LRRTM4: variants seen among roughly 807,000 people sequenced by gnomAD.
LRRTM4 encodes the protein leucine rich repeat transmembrane neuronal 4, also known as leucine-rich repeat transmembrane neuronal protein 4.
LRRTM4 carries 25 observed loss-of-function variants against 47.6 expected under a neutral mutation model. The ratio of observed to expected loss-of-function variants is 0.53; its 90% CI spans 0.38 to 0.73. LRRTM4 has a LOEUF of 0.73. Ranked by LOEUF, LRRTM4 falls within the 30% of genes least tolerant of loss-of-function variation. The pLI, the probability that LRRTM4 is intolerant of heterozygous loss-of-function variation, is 0.00. For missense variants in LRRTM4, 638 were observed against 713.4 expected (o/e 0.89, Z 1.20); for synonymous variants, 311 against 269.5 (o/e 1.15, Z -1.51).
intron 3 of LRRTM4, among the ~76,000 whole-genome samples, chr2:77,274,974 G>T (rs1676303509): frequency 6.6e-6 from 1 of 151,946 alleles, no homozygotes; most frequent in Non-Finnish European, 1.5e-5. Flanking sequence ...GGCCACTAAG[G>T]ACACACAGTC....
intron 3 of LRRTM4, among the ~76,000 whole-genome samples, chr2:77,114,329 G>C (rs957912060): frequency 6.6e-6 from 1 of 152,170 alleles, no homozygotes; most frequent in African/African-American, 2.4e-5. Flanking sequence ...CCACTGCCCT[G>C]AATACGGTAA....
intron 3 of LRRTM4, among the ~76,000 whole-genome samples, chr2:76,785,453 TTTTAGTTGAGATAGAAA>T (rs1358386830): frequency 1.3e-5 from 2 of 152,108 alleles, no homozygotes; most frequent in Non-Finnish European, 2.9e-5. Context: ...TGAGAGTGAA[TTTTAGTTGAGATAGAAA>T]AGCAGATCAT....
chr2:77,168,507 A>G (rs1237559938), intron 3 of LRRTM4, among the ~76,000 whole-genome samples: 1 of 152,074 alleles, frequency 6.6e-6, no homozygotes, highest in Non-Finnish European at 1.5e-5. Context: ...TTGAATCAGG[A>G]TGTTTAGGAT....
chr2:77,302,581 A>G (rs968169703), intron 3 of LRRTM4, among the ~76,000 whole-genome samples: 1 of 152,220 alleles, frequency 6.6e-6, no homozygotes, highest in Admixed American at 6.5e-5. Flanking sequence ...CTCTTTGTGT[A>G]TGAGGAGGTA....
At chr2:76,997,393 T>G (rs981361971) in intron 3 of LRRTM4, among the ~76,000 whole-genome samples, 2 of 151,176 alleles carry the variant, frequency 1.3e-5, no homozygotes, top group Non-Finnish European at 3.0e-5. Flanking sequence ...TTTGCCTTAG[T>G]TTGTTGAGAT....
At chr2:77,248,584 C>T (rs1675514922) in intron 3 of LRRTM4, among the ~76,000 whole-genome samples, 1 of 151,882 alleles carries the variant, frequency 6.6e-6, no homozygotes, top group African/African-American at 2.4e-5. Context: ...CACTGAATAG[C>T]CAACACAATA....
chr2:77,312,100 G>C (rs1677472900), intron 3 of LRRTM4, among the ~76,000 whole-genome samples: 1 of 151,920 alleles, frequency 6.6e-6, no homozygotes, highest in African/African-American at 2.4e-5. Context: ...TGAAACATGT[G>C]GTGTTTCTTT....
chr2:77,501,959 G>T (rs892221792), intron 3 of LRRTM4, among the ~76,000 whole-genome samples: 2 of 151,188 alleles, frequency 1.3e-5, no homozygotes, highest in Non-Finnish European at 3.0e-5. Context: ...TAAATGTTGA[G>T]GTGAGAAAAT....
At chr2:77,207,222 C>T (rs1674152124) in intron 3 of LRRTM4, among the ~76,000 whole-genome samples, 1 of 131,680 alleles carries the variant, frequency 7.6e-6, no homozygotes, top group South Asian at 2.3e-4. Context: ...AATATATACA[C>T]ATATGTGTAT....
chr2:77,449,076 A>G (rs1470994047), intron 3 of LRRTM4, among the ~76,000 whole-genome samples: 2 of 152,194 alleles, frequency 1.3e-5, no homozygotes, highest in African/African-American at 4.8e-5. Flanking sequence ...AAAAACATCA[A>G]TTAATCTTTA....
At chr2:76,921,368 C>G (rs1245127992) in intron 3 of LRRTM4, among the ~76,000 whole-genome samples, 1 of 151,996 alleles carries the variant, frequency 6.6e-6, no homozygotes, top group African/African-American at 2.4e-5. Context: ...ATTAAGATGA[C>G]TAATTGCTAA....
intron 3 of LRRTM4, among the ~76,000 whole-genome samples, chr2:77,415,455 C>G (rs574234922): frequency 6.6e-6 from 1 of 152,126 alleles, no homozygotes; most frequent in Admixed American, 6.5e-5. Flanking sequence ...TTACTGAACT[C>G]GAAACTTATT....
At chr2:76,764,640 C>CA (rs34383406) in intron 3 of LRRTM4, among the ~76,000 whole-genome samples, 16 of 151,526 alleles carry the variant, frequency 1.1e-4, no homozygotes, top group African/African-American at 2.2e-4. Flanking sequence ...CAAAACAAAA[C>CA]AAAAAAAACA....
At chr2:77,029,705 C>T (rs1055600097) in intron 3 of LRRTM4, among the ~76,000 whole-genome samples, 5 of 152,020 alleles carry the variant, frequency 3.3e-5, no homozygotes, top group South Asian at 2.1e-4. Context: ...TATGGTGATG[C>T]GAATTTCTGA....
At chr2:76,929,819 C>T (rs1330747487) in intron 3 of LRRTM4, among the ~76,000 whole-genome samples, 1 of 152,092 alleles carries the variant, frequency 6.6e-6, no homozygotes, top group Non-Finnish European at 1.5e-5. Flanking sequence ...AAAGTTACCT[C>T]ATCTATCCTA....
intron 3 of LRRTM4, among the ~76,000 whole-genome samples, chr2:76,990,380 G>C (rs975737497): frequency 6.6e-6 from 1 of 151,656 alleles, no homozygotes; most frequent in African/African-American, 2.4e-5. Context: ...AAAATAGCAA[G>C]ACCCATCTGT....
intron 3 of LRRTM4, among the ~76,000 whole-genome samples, chr2:77,383,529 G>T (rs1040203157): frequency 1.3e-5 from 2 of 151,970 alleles, no homozygotes; most frequent in Non-Finnish European, 2.9e-5. Flanking sequence ...GTCTAATAAG[G>T]ATTTGGTAAT....
In LRRTM4 at chr2:76,748,827, G is replaced by C. The variant is rs1221341010; in HGVS notation, c.1641C>G (p.Thr547=). ...YCQAHQPLHV[T]KGYETVSPEQ... is the part of the protein sequence containing the mutation. ...CTGGAGACACTGTCTCATAGCCCTT[G>C]GTGACATGGAGTGGCTGGTGGGCCT... Residue 547 remains threonine (T), a synonymous_variant, in exon 4 of 4, where the codon ACC becomes ACG. Transcript: ENST00000409884. The C allele has an allele frequency of 6.2e-7, 1 of 1,614,024 alleles. No individual in the cohort carries two copies.
intron 3 of LRRTM4, among the ~76,000 whole-genome samples, chr2:77,497,624 T>C (rs866051375): frequency 6.6e-6 from 1 of 151,316 alleles, no homozygotes; most frequent in African/African-American, 2.4e-5. Context: ...CATATATGTA[T>C]GCATGGATAC....
Sources: gnomAD v4.1 joint callset for allele counts (sites outside exome capture counted in the v4.1 genomes callset) on GRCh38, gnomAD v4.1.1 for gene constraint, MANE v1.5 for transcripts, NCBI Gene and HGNC (gene_info 2026-07-23, HGNC 2026-07-21) for gene names.